The following DNAH11 variants were observed in gnomAD, a reference collection of about 807,000 sequenced individuals.
DNAH11 encodes the protein dynein axonemal heavy chain 11.
DNAH11 carries 442 observed loss-of-function variants against 526.0 expected under a neutral mutation model. The observed-to-expected ratio is 0.84, with a 90% CI of 0.78 to 0.91. The LOEUF (loss-of-function observed/expected upper bound fraction) is 0.91, where lower values mean the gene tolerates loss of function less well. Ranked by LOEUF, DNAH11 falls within the 40% of genes least tolerant of loss-of-function variation. The pLI is 0.00. For synonymous variants in DNAH11, 2,461 were observed against 1,935.9 expected (o/e 1.27, Z -7.12); for missense variants, 6,989 against 5,448.7 (o/e 1.28, Z -8.90).
intron 36 of DNAH11, among the ~76,000 whole-genome samples, chr7:21,699,780 C>G (rs990635643): frequency 1.3e-5 from 2 of 151,200 alleles, no homozygotes; most frequent in African/African-American, 4.9e-5. Flanking sequence ...TGTGGAGTTT[C>G]AACTATATCT....
At chr7:21,635,457 A>G (rs1786817090) in intron 25 of DNAH11, among the ~76,000 whole-genome samples, 1 of 151,994 alleles carries the variant, frequency 6.6e-6, no homozygotes, top group South Asian at 2.1e-4. Context: ...TGCCCGGCCT[A>G]TTTTTTTAAG....
At chr7:21,864,503 A>G in intron 69 of DNAH11, 32 bp from the exon 70 acceptor site, 1 of 1,605,216 alleles carries the variant, frequency 6.2e-7, no homozygotes, top group Non-Finnish European at 8.5e-7. Flanking sequence ...ATGTAAACCT[A>G]ATAATCCTTT....
At position 21,742,174 on chromosome 7, in the gene DNAH11, G is replaced by T; in HGVS notation, c.8154+8G>T. 1 of 1,613,260 alleles carries T rather than the reference G, an allele frequency of 6.2e-7. No homozygotes were observed. The highest frequency in any genetic ancestry group is 1.1e-5 in the South Asian group (1 of 90,984). On this transcript the variant is annotated splice_region_variant and intron_variant, in intron 49 of 81. Transcript: ENST00000409508. Reference sequence around the variant, plus strand: ...TTATCAAACGTCTTCCAGGTACCTTGACTGCTCTATGTTATGCCTCTTGAG... The same window carrying T: ...TTATCAAACGTCTTCCAGGTACCTTTACTGCTCTATGTTATGCCTCTTGAG...
intron 66 of DNAH11, among the ~76,000 whole-genome samples, chr7:21,851,869 A>G (rs991869200): frequency 6.6e-6 from 1 of 152,108 alleles, no homozygotes; most frequent in East Asian, 1.9e-4. Flanking sequence ...AAGCCTTTAT[A>G]TGTCTGAGCA....
rs1783069073 is a variant in DNAH11 at position 21,679,921 on chromosome 7, C to T, written c.5329-1625C>T. ...TTTTAGGGTACATGTGCACAACATG[C>T]AGGTTTGTTACATATGTATACATAT... is the stretch of plus-strand genomic sequence containing the variant. On this transcript the variant is annotated intron_variant, in intron 30 of 81. Coordinates refer to ENST00000409508, the MANE Select transcript of DNAH11 (RefSeq NM_001277115.2). Among the ~76,000 whole-genome samples, 2 of 152,084 alleles carry T rather than the reference C, an allele frequency of 1.3e-5. 1 individual carries two copies. The highest frequency in any genetic ancestry group is 4.1e-4 in the South Asian group (2 of 4,822).
intron 24 of DNAH11, among the ~76,000 whole-genome samples, chr7:21,619,667 C>T (rs1311027425): frequency 6.6e-6 from 1 of 152,140 alleles, no homozygotes; most frequent in Non-Finnish European, 1.5e-5. Context: ...TAAATAGTAT[C>T]TACCAAACAT....
intron 65 of DNAH11, among the ~76,000 whole-genome samples, chr7:21,820,174 T>C (rs543453955): frequency 2.1e-4 from 32 of 152,256 alleles, no homozygotes; most frequent in African/African-American, 7.7e-4. Context: ...ATCCTGTCAG[T>C]CATTGAGTAA....
At chr7:21,629,383 T>C (rs138625871) in intron 25 of DNAH11, among the ~76,000 whole-genome samples, 1 of 152,262 alleles carries the variant, frequency 6.6e-6, no homozygotes, top group African/African-American at 2.4e-5. Flanking sequence ...TCTGCAGTAG[T>C]TGGGTAAAAT....
chr7:21,767,589 CTT>C (rs917082470), intron 55 of DNAH11, among the ~76,000 whole-genome samples: 71 of 152,296 alleles, frequency 4.7e-4, no homozygotes, highest in African/African-American at 1.6e-3. Context: ...TTTAAAAACA[CTT>C]TCCCATTTCT....
At chr7:21,871,040 A>C (rs1783474411) in intron 73 of DNAH11, among the ~76,000 whole-genome samples, 1 of 152,222 alleles carries the variant, frequency 6.6e-6, no homozygotes, top group Admixed American at 6.5e-5. Context: ...AAATTACATT[A>C]ACGTGGGTAT....
chr7:21,568,627 G>C (rs1783764957), intron 6 of DNAH11, among the ~76,000 whole-genome samples: 1 of 152,164 alleles, frequency 6.6e-6, no homozygotes, highest in African/African-American at 2.4e-5. Flanking sequence ...GTATGAACAG[G>C]AGGTTCTTTG....
rs1430531121 is a variant in DNAH11, at chr7:21,784,529, A to G, written c.9586A>G (p.Thr3196Ala). The G allele has an allele frequency of 6.2e-7, 1 of 1,608,734 alleles. No homozygotes were observed. Among genetic ancestry groups the G allele is most frequent in the Non-Finnish European group, 8.5e-7 (1 of 1,177,254 alleles). ...ALVAATAALN[T>A]LNRVNLSELK... is the part of the protein sequence containing the mutation. ...GGTGGCTGCTACAGCTGCACTCAAT[A>G]CACTCAACAGGGTAAAGATAATTTA... The change falls in exon 58 of 82, where the codon ACA becomes GCA. Residue 3196 changes from threonine to alanine, a missense_variant. By Grantham distance (58) the Thr-to-Ala change is moderately conservative. Coordinates refer to ENST00000409508, the MANE Select transcript of DNAH11 (RefSeq NM_001277115.2).
rs370190371 is a variant in DNAH11, at chr7:21,797,030, T to C, written c.10027-4107T>C. On this transcript the variant is annotated intron_variant, in intron 61 of 81. Coordinates refer to ENST00000409508, the MANE Select transcript of DNAH11 (RefSeq NM_001277115.2). ...GATAGGAATGAAAGTCAGATTAAAA[T>C]AGATGAAGGAGAGAATGGGTGGTGA... 2.9e-3 allele frequency among the ~76,000 whole-genome samples: 438 copies of C among 152,106 alleles called. 9 individuals are homozygous for C. The South Asian group carries it at 0.051, about 18-fold the overall frequency.
At chr7:21,794,005 A>G (rs1439535506) in intron 61 of DNAH11, among the ~76,000 whole-genome samples, 1 of 152,146 alleles carries the variant, frequency 6.6e-6, no homozygotes, top group African/African-American at 2.4e-5. Flanking sequence ...TGTCTTTGAA[A>G]TTACTGATTC....
At chr7:21,780,280 G>A (rs1562541238) in intron 57 of DNAH11, among the ~76,000 whole-genome samples, 1 of 152,118 alleles carries the variant, frequency 6.6e-6, no homozygotes, top group Admixed American at 6.5e-5. Flanking sequence ...GCTGAGTACA[G>A]TGGCCTGTAA....
intron 29 of DNAH11, among the ~76,000 whole-genome samples, chr7:21,656,217 G>C (rs1782010777): frequency 6.6e-6 from 1 of 152,178 alleles, no homozygotes; most frequent in African/African-American, 2.4e-5. Flanking sequence ...GCTAGGAATT[G>C]AGCTAGACAG....
intron 3 of DNAH11, among the ~76,000 whole-genome samples, chr7:21,559,218 C>A (rs1484564315): frequency 6.6e-6 from 1 of 152,138 alleles, no homozygotes; most frequent in Non-Finnish European, 1.5e-5. Context: ...CTAGCAAACC[C>A]ATTAGCAAAC....
intron 45 of DNAH11, among the ~76,000 whole-genome samples, chr7:21,732,011 A>C (rs567233044): frequency 1.3e-5 from 2 of 152,340 alleles, no homozygotes; most frequent in South Asian, 4.1e-4. Flanking sequence ...AACAGTATAT[A>C]TGGGGTTCTG....
At chr7:21,551,015 G>A (rs1783001448) in intron 2 of DNAH11, among the ~76,000 whole-genome samples, 1 of 152,036 alleles carries the variant, frequency 6.6e-6, no homozygotes, top group Non-Finnish European at 1.5e-5. Flanking sequence ...TTTAGTGAGG[G>A]TATAAATCCC....
Sources: allele counts gnomAD v4.1 joint callset (sites outside exome capture counted in the v4.1 genomes callset), GRCh38; gene constraint gnomAD v4.1.1; transcripts MANE v1.5; gene names NCBI Gene and HGNC (gene_info 2026-07-23, HGNC 2026-07-21).